The following FGF18 variants were observed in gnomAD, a reference collection of about 807,000 sequenced individuals.
FGF18 encodes the protein fibroblast growth factor 18.
In FGF18, 5 loss-of-function variants were observed where a neutral mutation model predicts 23.0. The observed-to-expected ratio is 0.22, with a 90% CI of 0.11 to 0.46. FGF18 has a LOEUF of 0.46. Among genes scored for constraint, FGF18 ranks in the 20% least tolerant of loss-of-function variants. The pLI is 0.99. For missense variants in FGF18, 180 were observed against 291.6 expected (o/e 0.62, Z 2.79); for synonymous variants, 117 against 118.9 (o/e 0.98, Z 0.10).
chr5:171,430,213 C>T (rs2082634577), intron 2 of FGF18, among the ~76,000 whole-genome samples: 1 of 152,050 alleles, frequency 6.6e-6, no homozygotes, highest in African/African-American at 2.4e-5. Context: ...TAAAAATTCA[C>T]TGGGCGCGGT....
chr5:171,424,969 AG>A, intron 2 of FGF18, among the ~76,000 whole-genome samples: 1 of 152,326 alleles, frequency 6.6e-6, no homozygotes, highest in East Asian at 1.9e-4. Context: ...TGGCACGGCC[AG>A]TGTCAGCAGG....
intron 1 of FGF18, 64 bp from the exon 2 acceptor site, chr5:171,420,343 T>A (rs1771984736): frequency 1.2e-6 from 2 of 1,607,168 alleles, no homozygotes; most frequent in Non-Finnish European, 1.7e-6. Context: ...CGACTGCGTG[T>A]CTGTCTGTCC....
intron 3 of FGF18, among the ~76,000 whole-genome samples, chr5:171,438,644 C>G (rs1017608233): frequency 1.3e-5 from 2 of 152,104 alleles, no homozygotes; most frequent in African/African-American, 2.4e-5. Flanking sequence ...TCCTCCGACC[C>G]CCCGACACCC....
chr5:171,429,148 C>G lies in FGF18; in HGVS notation c.70-6945C>G, dbSNP rs375919717. Among the ~76,000 whole-genome samples, 43 of 152,286 alleles carry G rather than the reference C, an allele frequency of 2.8e-4. No homozygotes were observed. The South Asian group carries it at 8.5e-3, about 30-fold the overall frequency. On this transcript the variant is annotated intron_variant, in intron 2 of 4. Transcript: ENST00000274625. ...GAGGAGGTGGGGGCACCCATCAGAGCCACACTCAGATTCAGGGTGGGCCCG... is the reference window on the plus strand; with the variant it reads ...GAGGAGGTGGGGGCACCCATCAGAGGCACACTCAGATTCAGGGTGGGCCCG...
At chr5:171,443,500 C>CCTTTTTTTT (rs766926286) in intron 3 of FGF18, among the ~76,000 whole-genome samples, 3 of 70,416 alleles carry the variant, frequency 4.3e-5, no homozygotes, top group Admixed American at 2.2e-4. Flanking sequence ...CTGTTATCAT[C>CCTTTTTTTT]ATTTTTTTTT....
At chr5:171,453,518 G>A (rs569104924) in intron 4 of FGF18, among the ~76,000 whole-genome samples, 1 of 152,130 alleles carries the variant, frequency 6.6e-6, no homozygotes, top group Non-Finnish European at 1.5e-5. Flanking sequence ...TTTCCCCCTT[G>A]TGGACCTCTT....
chr5:171,436,354 C>G lies in FGF18; in HGVS notation c.250+81C>G. 1 of 1,165,026 alleles carries G rather than the reference C, an allele frequency of 8.6e-7. No individual in the cohort carries two copies. Among genetic ancestry groups the G allele is most frequent in the Non-Finnish European group, 1.1e-6 (1 of 871,698 alleles). 72.2% of individuals were successfully genotyped at this position (1,165,026 alleles called of 1,614,324 possible). A position where few individuals can be genotyped will look rare whatever the true frequency, so the allele number is the denominator to read the frequency against. ...CCTCAGAGACCTCAAGTTCAAATGC[C>G]AGCCTTGCTGCTCCTGGCTGTGTGA... On this transcript the variant is annotated intron_variant, in intron 3 of 4. Coordinates refer to ENST00000274625, the MANE Select transcript of FGF18 (RefSeq NM_003862.3). The surrounding 1 kb of genome is among the most constrained non-coding windows in gnomAD (Gnocchi z 4.4).
chr5:171,432,799 G>T (rs1772200305), intron 2 of FGF18, among the ~76,000 whole-genome samples: 1 of 152,204 alleles, frequency 6.6e-6, no homozygotes, highest in Non-Finnish European at 1.5e-5. Flanking sequence ...GGGGCACTCT[G>T]GTTGGTAAGT....
intron 2 of FGF18, among the ~76,000 whole-genome samples, chr5:171,425,951 G>A (rs1238066231): frequency 6.6e-6 from 1 of 152,206 alleles, no homozygotes; most frequent in Non-Finnish European, 1.5e-5. Flanking sequence ...TGGTCACATA[G>A]CAAGAGAGAG....
chr5:171,456,486 C>T lies in FGF18; in HGVS notation c.358-53C>T. The T allele has an allele frequency of 6.4e-7, 1 of 1,561,460 alleles. No individual in the cohort carries two copies. Among genetic ancestry groups the T allele is most frequent in the Non-Finnish European group, 8.7e-7 (1 of 1,145,288 alleles). Reference sequence around the variant, plus strand: ...TAAAACCTTCCTCGCTGTGCTTTGGCAAGCATAACTGAGTCATTTTTTTCT... The same window carrying T: ...TAAAACCTTCCTCGCTGTGCTTTGGTAAGCATAACTGAGTCATTTTTTTCT... On this transcript the variant is annotated intron_variant, in intron 4 of 4. Transcript: ENST00000274625. This position sits in a 1 kb window ranked among gnomAD's most constrained non-coding sequence, Gnocchi z 6.1.
Position 171,456,331 on chromosome 5 carries a change from C to T in FGF18, c.358-208C>T, listed in dbSNP as rs898423631. Among the ~76,000 whole-genome samples the T allele has an allele frequency of 1.3e-5, 2 of 152,182 alleles. No homozygotes were observed. Among genetic ancestry groups the T allele is most frequent in the Non-Finnish European group, 2.9e-5 (2 of 68,030 alleles). On this transcript the variant is annotated intron_variant, in intron 4 of 4. Coordinates refer to ENST00000274625, the MANE Select transcript of FGF18 (RefSeq NM_003862.3). The surrounding 1 kb of genome is among the most constrained non-coding windows in gnomAD (Gnocchi z 6.1). Reference sequence around the variant, plus strand: ...TACACCCTCGATGTTTCCTCTTAGTCATTTTCCACTCTGCTCCTTGGCTAT... The same window carrying T: ...TACACCCTCGATGTTTCCTCTTAGTTATTTTCCACTCTGCTCCTTGGCTAT...
chr5:171,452,357 G>T, intron 4 of FGF18, among the ~76,000 whole-genome samples: 1 of 152,116 alleles, frequency 6.6e-6, no homozygotes, highest in Non-Finnish European at 1.5e-5. Flanking sequence ...AGCTTCCTTG[G>T]GCCATCTGTG....
At chr5:171,424,128 G>C (rs116979648) in intron 2 of FGF18, among the ~76,000 whole-genome samples, 1 of 152,256 alleles carries the variant, frequency 6.6e-6, no homozygotes, top group East Asian at 1.9e-4. Flanking sequence ...GCACATACTT[G>C]CTGGGAGCCT....
rs759450877 is a variant in FGF18, at chr5:171,436,148, G to A, written c.125G>A (p.Arg42Gln). The change falls in exon 3 of 5, where the codon CGG (arginine) becomes CAG (glutamine). Residue 42 changes from arginine (R) to glutamine (Q), a missense_variant. Physicochemically the swap from Arg to Gln is conservative, Grantham distance 43 (BLOSUM62 1). This residue lies in a region of FGF18 where 57 missense variants were observed against 59.8 expected (regional missense o/e 0.95). Coordinates refer to ENST00000274625, the MANE Select transcript of FGF18 (RefSeq NM_003862.3). This position sits in a 1 kb window ranked among gnomAD's most constrained non-coding sequence, Gnocchi z 4.4. ...CGCATCCACGTGGAGAACCAGACGC[G>A]GGCTCGGGACGATGTGAGCCGTAAG... ...DFRIHVENQT[R>Q]ARDDVSRKQL... 15 of 1,594,628 alleles carry A rather than the reference G, an allele frequency of 9.4e-6. No individual in the cohort carries two copies. Among genetic ancestry groups the A allele is most frequent in the African/African-American group, 5.4e-5 (4 of 74,186 alleles).
rs1033398201 is a variant in FGF18 at position 171,434,736 on chromosome 5, C to G, written c.70-1357C>G. On this transcript the variant is annotated intron_variant, in intron 2 of 4. Coordinates refer to ENST00000274625, the MANE Select transcript of FGF18 (RefSeq NM_003862.3). The surrounding 1 kb of genome is among the most constrained non-coding windows in gnomAD (Gnocchi z 4.6). ...TTTGTTTATGTATCCATTCAAGAAG[C>G]GTTTGAGTTTCTACCGTGTTAGGTG... Among the ~76,000 whole-genome samples, 16 of 151,770 alleles carry G rather than the reference C, an allele frequency of 1.1e-4. No individual in the cohort carries two copies. Among genetic ancestry groups the G allele is most frequent in the South Asian group, 8.3e-4 (4 of 4,808 alleles).
At chr5:171,448,001 C>A (rs537973521) in intron 3 of FGF18, among the ~76,000 whole-genome samples, 3 of 152,232 alleles carry the variant, frequency 2.0e-5, no homozygotes, top group African/African-American at 7.2e-5. Flanking sequence ...GGAGAGAGAG[C>A]TAAGAGAGGG....
At chr5:171,437,049 C>A (rs997006178) in intron 3 of FGF18, among the ~76,000 whole-genome samples, 1 of 152,210 alleles carries the variant, frequency 6.6e-6, no homozygotes, top group Non-Finnish European at 1.5e-5. Flanking sequence ...TGCTGCGAGG[C>A]CTCCTGGTCC....
intron 3 of FGF18, among the ~76,000 whole-genome samples, chr5:171,438,291 G>C (rs1210051712): frequency 6.6e-6 from 1 of 151,868 alleles, no homozygotes. Flanking sequence ...TAATAGAGAC[G>C]GGGTTTCGCC....
chr5:171,455,209 A>G (rs192437402), intron 4 of FGF18, among the ~76,000 whole-genome samples: 15 of 152,298 alleles, frequency 9.8e-5, no homozygotes, highest in Non-Finnish European at 2.1e-4. Flanking sequence ...CAGGCTCCCA[A>G]GGGAGTTCAC....
Sources: gnomAD v4.1 joint callset for allele counts (sites outside exome capture counted in the v4.1 genomes callset) on GRCh38, gnomAD v4.1.1 for gene constraint, gnomAD v4.1.1 regional missense constraint, Gnocchi (gnomAD v3.1) non-coding constraint, MANE v1.5 for transcripts, NCBI Gene and HGNC (gene_info 2026-07-23, HGNC 2026-07-21) for gene names.